The following OR51B5 variants were observed in gnomAD, a reference collection of about 807,000 sequenced individuals.
OR51B5 encodes olfactory receptor 51B5.
For missense variants in OR51B5, 456 were observed against 374.6 expected, an observed-to-expected ratio of 1.22 and a Z score of -1.79; for synonymous variants, 186 against 144.8, an observed-to-expected ratio of 1.28 and a Z score of -2.04.
At chr11:5,425,466 C>T (rs918878171) in intron 1 of OR51B5, among the ~76,000 whole-genome samples, 1 of 152,116 alleles carries the variant, frequency 6.6e-6, no homozygotes, top group Non-Finnish European at 1.5e-5. Flanking sequence ...TTGTTGTTCT[C>T]CCTTTTCTGT....
At chr11:5,437,640 T>C (rs1850610486) in intron 1 of OR51B5, among the ~76,000 whole-genome samples, 5 of 152,190 alleles carry the variant, frequency 3.3e-5, no homozygotes, top group Admixed American at 3.3e-4. Context: ...TAAAAAAGGA[T>C]AGCACCTAAC....
intron 1 of OR51B5, among the ~76,000 whole-genome samples, chr11:5,370,927 A>G (rs1849438621): frequency 6.6e-6 from 1 of 152,206 alleles, no homozygotes; most frequent in Admixed American, 6.5e-5. Context: ...CCATAGTGGT[A>G]TTGGTCCTGG....
intron 1 of OR51B5, among the ~76,000 whole-genome samples, chr11:5,505,031 C>T (rs1846351576): frequency 6.6e-6 from 1 of 152,234 alleles, no homozygotes; most frequent in Non-Finnish European, 1.5e-5. Flanking sequence ...ATGAGCAGGG[C>T]TTAACTTCAA....
intron 1 of OR51B5, among the ~76,000 whole-genome samples, chr11:5,447,600 C>T (rs1850785995): frequency 6.6e-6 from 1 of 151,934 alleles, no homozygotes; most frequent in African/African-American, 2.4e-5. Context: ...AATCCCATAT[C>T]TTCTATACCA....
intron 1 of OR51B5, among the ~76,000 whole-genome samples, chr11:5,442,245 G>T (rs540007480): frequency 1.3e-5 from 2 of 152,226 alleles, no homozygotes; most frequent in South Asian, 4.1e-4. Flanking sequence ...CAGGTATGCA[G>T]CTGGATAAAA....
intron 1 of OR51B5, among the ~76,000 whole-genome samples, chr11:5,503,116 C>A (rs1473924717): frequency 6.6e-6 from 1 of 152,120 alleles, no homozygotes; most frequent in Non-Finnish European, 1.5e-5. Flanking sequence ...GTAGTGCTAT[C>A]TGTGTAGTGA....
At chr11:5,342,717 C>T in exon 1 of OR51B5, 1 of 1,613,812 alleles carries the variant, frequency 6.2e-7, no homozygotes, top group Non-Finnish European at 8.5e-7. Flanking sequence ...ATGAGGTGAA[C>T]AATATGTGGA....
chr11:5,343,371 T>A, exon 1 of OR51B5: 1 of 1,613,636 alleles, frequency 6.2e-7, no homozygotes. Context: ...TCATGAAGAT[T>A]GTGATCTTCC....
rs757256670 is a variant in OR51B5 at position 5,389,796 on chromosome 11, ACCGCCTTGT to A, written n.85-42895_85-42887del. ...TCAGTGCTCCTCATGATGTCCTTTG[ACCGCCTTGT>A]GGCCATCTGCCACCCTCTGAGGTAT... is the stretch of plus-strand genomic sequence containing the variant. On this transcript the variant is annotated intron_variant and non_coding_transcript_variant, in intron 1 of 4. Transcript: ENST00000415970. 12 of 1,613,804 alleles carry A rather than the reference ACCGCCTTGT, an allele frequency of 7.4e-6. No individual in the cohort carries two copies. The Admixed American group carries it at 1.3e-4, about 18-fold the overall frequency.
intron 1 of OR51B5, among the ~76,000 whole-genome samples, chr11:5,414,427 T>A (rs1338293266): frequency 6.7e-6 from 1 of 149,872 alleles, no homozygotes. Flanking sequence ...AATTCACACA[T>A]AACAATATTA....
At chr11:5,404,199 CTT>C (rs1475260387) in intron 1 of OR51B5, among the ~76,000 whole-genome samples, 1 of 151,482 alleles carries the variant, frequency 6.6e-6, no homozygotes, top group Non-Finnish European at 1.5e-5. Context: ...ACTTGAAGAA[CTT>C]TTCTGTCTAG....
chr11:5,471,614 T>A (rs1033958477), intron 1 of OR51B5, among the ~76,000 whole-genome samples: 5 of 144,618 alleles, frequency 3.5e-5, no homozygotes, highest in African/African-American at 1.0e-4. Context: ...CCAGCCTGGG[T>A]GACAGAGCAA....
intron 1 of OR51B5, among the ~76,000 whole-genome samples, chr11:5,418,123 G>C (rs1377453438): frequency 6.6e-6 from 1 of 151,340 alleles, no homozygotes; most frequent in Non-Finnish European, 1.5e-5. Flanking sequence ...GATGAAGTTG[G>C]AAATCCTCAT....
chr11:5,422,765 C>T (rs755954185), intron 1 of OR51B5: 9 of 1,614,048 alleles, frequency 5.6e-6, no homozygotes, highest in Non-Finnish European at 5.9e-6. Context: ...TATGATCCGC[C>T]TGGTCTGTGC....
intron 1 of OR51B5, among the ~76,000 whole-genome samples, chr11:5,367,448 T>C (rs1201107845): frequency 1.3e-5 from 2 of 152,230 alleles, no homozygotes; most frequent in Non-Finnish European, 2.9e-5. Context: ...GGATTATTCA[T>C]GCCTCCCCTT....
chr11:5,378,028 GC>G (rs1182360109), intron 1 of OR51B5, among the ~76,000 whole-genome samples: 6 of 141,264 alleles, frequency 4.2e-5, no homozygotes, highest in African/African-American at 1.3e-4. Context: ...AAAGAACAAA[GC>G]TGGAGGCATC....
chr11:5,502,647 C>T (rs1461376604), intron 1 of OR51B5, among the ~76,000 whole-genome samples: 6 of 152,172 alleles, frequency 3.9e-5, no homozygotes, highest in African/African-American at 1.4e-4. Flanking sequence ...ATTCCAACTC[C>T]AGCTCAACCA....
chr11:5,473,231 G>C (rs1851255198), intron 1 of OR51B5, among the ~76,000 whole-genome samples: 1 of 152,140 alleles, frequency 6.6e-6, no homozygotes, highest in Admixed American at 6.5e-5. Context: ...AAAAAATCTT[G>C]AATAAGGGGT....
intron 1 of OR51B5, among the ~76,000 whole-genome samples, chr11:5,417,456 G>T (rs36161074): frequency 2.6e-5 from 4 of 151,000 alleles, no homozygotes; most frequent in African/African-American, 9.7e-5. Flanking sequence ...GATCTTCTGC[G>T]CAGCAAAAGA....
Sources: allele counts gnomAD v4.1 joint callset (sites outside exome capture counted in the v4.1 genomes callset), GRCh38; gene constraint gnomAD v4.1.1; transcripts MANE v1.5; gene names NCBI Gene and HGNC (gene_info 2026-07-23, HGNC 2026-07-21).